The following PCDHGA7 variants were observed in gnomAD, a reference collection of about 807,000 sequenced individuals.
PCDHGA7 encodes the protein protocadherin gamma subfamily A, 7.
PCDHGA7 carries 44 observed loss-of-function variants against 58.3 expected under a neutral mutation model. The observed-to-expected ratio is 0.75, with a 90% CI of 0.59 to 0.97. PCDHGA7 has a LOEUF of 0.97. Among genes scored for constraint, PCDHGA7 ranks in the 50% least tolerant of loss-of-function variants. The probability of loss-of-function intolerance (pLI) is 0.00; values close to 1 mark genes in which losing one functional copy is unlikely to be tolerated. For synonymous variants in PCDHGA7, 516 were observed against 504.2 expected (o/e 1.02, Z -0.31); for missense variants, 1,266 against 1,188.7 (o/e 1.06, Z -0.96).
Position 141,431,412 on chromosome 5 carries a change from GC to G in PCDHGA7, c.2424+46090del. ...CTGGTCCTTACGGCCTCCGACGGGG[GC>G]GACCCGGTGCGCACAGGCACCGCGC... On this transcript the variant is annotated intron_variant, in intron 1 of 3. Coordinates refer to ENST00000518325, the MANE Select transcript of PCDHGA7 (RefSeq NM_018920.4). The surrounding 1 kb of genome is among the most constrained non-coding windows in gnomAD (Gnocchi z 4.8). The G allele has an allele frequency of 6.2e-7, 1 of 1,613,714 alleles. No homozygotes were observed. Among genetic ancestry groups the G allele is most frequent in the Non-Finnish European group, 8.5e-7 (1 of 1,180,050 alleles).
intron 1 of PCDHGA7, chr5:141,403,322 A>G (rs1156229289): frequency 6.2e-7 from 1 of 1,613,982 alleles, no homozygotes; most frequent in Non-Finnish European, 8.5e-7. Flanking sequence ...AATAGAAGTA[A>G]CTGATATTAA....
intron 1 of PCDHGA7, chr5:141,391,108 A>G (rs1253319004): frequency 6.6e-6 from 1 of 152,138 alleles, no homozygotes; most frequent in African/African-American, 2.4e-5. Flanking sequence ...CTAAACTAAT[A>G]TAGCTAGAGG....
chr5:141,483,121 T>C (rs922863446), intron 1 of PCDHGA7, among the ~76,000 whole-genome samples: 1 of 152,052 alleles, frequency 6.6e-6, no homozygotes, highest in Admixed American at 6.6e-5. Flanking sequence ...ACAGTCTTTG[T>C]AGGAGATGAG....
chr5:141,417,947 T>A (rs958624664), intron 1 of PCDHGA7: 53 of 1,613,420 alleles, frequency 3.3e-5, no homozygotes, highest in Middle Eastern at 1.7e-4. Context: ...CCCCACGCTG[T>A]GTGAGCCGAT....
At chr5:141,394,455 C>T in intron 1 of PCDHGA7, 1 of 1,614,268 alleles carries the variant, frequency 6.2e-7, no homozygotes, top group Non-Finnish European at 8.5e-7. Flanking sequence ...CAACATGTCA[C>T]TGAGCCTGTT....
At chr5:141,409,185 C>A in intron 1 of PCDHGA7, 1 of 1,614,024 alleles carries the variant, frequency 6.2e-7, no homozygotes, top group Non-Finnish European at 8.5e-7. Flanking sequence ...GGTGGTCTCT[C>A]TACCCAGTGT....
chr5:141,499,634 C>A (rs1194596079), intron 2 of PCDHGA7, among the ~76,000 whole-genome samples: 1 of 151,220 alleles, frequency 6.6e-6, no homozygotes, highest in Non-Finnish European at 1.5e-5. Flanking sequence ...TCTTTTGAAG[C>A]AAATCTCAGA....
Position 141,486,443 on chromosome 5 carries a change from A to G in PCDHGA7, c.2425-8364A>G, listed in dbSNP as rs747419698. Reference sequence around the variant, plus strand: ...AGAGGCCAAATCTAGCTATGACATCATGGTCACTGCTTCTGATGCTGGGAA... The same window carrying G: ...AGAGGCCAAATCTAGCTATGACATCGTGGTCACTGCTTCTGATGCTGGGAA... On this transcript the variant is annotated intron_variant, in intron 1 of 3. Transcript: ENST00000518325. The surrounding 1 kb of genome is among the most constrained non-coding windows in gnomAD (Gnocchi z 5.0). The G allele has an allele frequency of 1.9e-6, 3 of 1,614,060 alleles. No individual in the cohort carries two copies. Among genetic ancestry groups the G allele is most frequent in the South Asian group, 2.2e-5 (2 of 91,080 alleles).
At position 141,415,363 on chromosome 5, in the gene PCDHGA7, C is replaced by T. The variant is rs62378454; in HGVS notation, c.2424+30040C>T. 7,186 of 1,614,240 alleles carry T rather than the reference C, an allele frequency of 4.5e-3. 30 individuals carry two copies. Among genetic ancestry groups the T allele is most frequent in the South Asian group, 5.6e-3 (509 of 91,092 alleles). Reference sequence around the variant, plus strand: ...GCGCTGGCACAAGTCACGCCTGCTGCAGGCTTCAGGAGGCGGCTTGACAGG... The same window carrying T: ...GCGCTGGCACAAGTCACGCCTGCTGTAGGCTTCAGGAGGCGGCTTGACAGG... On this transcript the variant is annotated intron_variant, in intron 1 of 3. Transcript: ENST00000518325.
rs919375073 is a variant in PCDHGA7 at position 141,490,642 on chromosome 5, C to A, written c.2425-4165C>A. On this transcript the variant is annotated intron_variant, in intron 1 of 3. Coordinates refer to ENST00000518325, the MANE Select transcript of PCDHGA7 (RefSeq NM_018920.4). This position sits in a 1 kb window ranked among gnomAD's most constrained non-coding sequence, Gnocchi z 5.4. ...CACTGCTTACATCCTAGAAAACCGG[C>A]CTCCGGGCTCCCTTCTTTGCACTGT... 4.3e-6 allele frequency: 7 copies of A among 1,614,102 alleles called. No individual in the cohort carries two copies. In the African/African-American group the frequency reaches 6.7e-5, roughly 15 times the overall value.
At chr5:141,388,552 G>C in intron 1 of PCDHGA7, 1 of 1,613,814 alleles carries the variant, frequency 6.2e-7, no homozygotes, top group Non-Finnish European at 8.5e-7. Flanking sequence ...CCACCCCTAA[G>C]CAGCACTGCA....
chr5:141,389,303 G>A (rs773665051), intron 1 of PCDHGA7: 4 of 1,613,882 alleles, frequency 2.5e-6, no homozygotes, highest in Non-Finnish European at 3.4e-6. Context: ...CACAAGTCAG[G>A]GCTTCTGATC....
rs2099622509 is a variant in PCDHGA7 at position 141,485,988 on chromosome 5, G to T, written c.2425-8819G>T. On this transcript the variant is annotated intron_variant, in intron 1 of 3. Coordinates refer to ENST00000518325, the MANE Select transcript of PCDHGA7 (RefSeq NM_018920.4). The surrounding 1 kb of genome is among the most constrained non-coding windows in gnomAD (Gnocchi z 5.7). The stretch of plus-strand genomic sequence containing the variant: ...CTCAATGCCTCAGACCCGGACCTGG[G>T]TCCCAGTGGTAACGTCACCTTTTAT... 16 of 1,614,188 alleles carry T rather than the reference G, an allele frequency of 9.9e-6. No homozygotes were observed. The highest frequency in any genetic ancestry group is 1.4e-5 in the Non-Finnish European group (16 of 1,180,038).
At chr5:141,475,959 A>T (rs963363028) in intron 1 of PCDHGA7, 15 of 817,720 alleles carry the variant, frequency 1.8e-5, no homozygotes, top group East Asian at 2.6e-5. Context: ...GCGCCCCGGG[A>T]TGAGGCAGAG....
Position 141,491,405 on chromosome 5 carries a change from A to C in PCDHGA7, c.2425-3402A>C. 6.2e-7 allele frequency: 1 copy of C among 1,614,096 alleles called. No individual in the cohort carries two copies. Among genetic ancestry groups the C allele is most frequent in the Non-Finnish European group, 8.5e-7 (1 of 1,179,998 alleles). On this transcript the variant is annotated intron_variant, in intron 1 of 3. Coordinates refer to ENST00000518325, the MANE Select transcript of PCDHGA7 (RefSeq NM_018920.4). This position sits in a 1 kb window ranked among gnomAD's most constrained non-coding sequence, Gnocchi z 6.9. ...GCGAAGTGCCTTCAGGGAAACGCAG[A>C]CGGGGACGGGGGTGGAGGGCAGTGC... is the stretch of plus-strand genomic sequence containing the variant.
chr5:141,412,963 G>A (rs1387713187), intron 1 of PCDHGA7: 2 of 518,110 alleles, frequency 3.9e-6, no homozygotes, highest in South Asian at 3.3e-5. Context: ...TCACCTACTA[G>A]GAGAGAAAAC....
Position 141,410,405 on chromosome 5 carries a change from T to C in PCDHGA7, c.2424+25082T>C, listed in dbSNP as rs777544150. ...CTTCCATCCTGGTCTCTGTGTCAAGTCTGGACCTGTAGTTCCCCCCAACTA... is the reference window on the plus strand; with the variant it reads ...CTTCCATCCTGGTCTCTGTGTCAAGCCTGGACCTGTAGTTCCCCCCAACTA... On this transcript the variant is annotated intron_variant, in intron 1 of 3. Transcript: ENST00000518325. 2.2e-5 allele frequency: 35 copies of C among 1,613,948 alleles called. 1 individual carries two copies. In the East Asian group the frequency reaches 7.8e-4, roughly 36 times the overall value.
chr5:141,486,884 C>G lies in PCDHGA7; in HGVS notation c.2425-7923C>G, dbSNP rs1272694679. On this transcript the variant is annotated intron_variant, in intron 1 of 3. Transcript: ENST00000518325. The surrounding 1 kb of genome is among the most constrained non-coding windows in gnomAD (Gnocchi z 5.0). ...TCCAGCTGTGCTCCGTCCTCGGGCC[C>G]GGCCTGGTTCCTTATGTCCCCAAGC... The G allele has an allele frequency of 6.2e-7, 1 of 1,614,224 alleles. No homozygotes were observed. The highest frequency in any genetic ancestry group is 8.5e-7 in the Non-Finnish European group (1 of 1,180,046).
At chr5:141,465,889 G>A (rs956310325) in intron 1 of PCDHGA7, among the ~76,000 whole-genome samples, 4 of 152,056 alleles carry the variant, frequency 2.6e-5, no homozygotes, top group Admixed American at 6.5e-5. Context: ...TTGGGAGGCC[G>A]AGGCGGGCAA....
Sources: gnomAD v4.1 joint callset for allele counts (sites outside exome capture counted in the v4.1 genomes callset) on GRCh38, gnomAD v4.1.1 for gene constraint, Gnocchi (gnomAD v3.1) non-coding constraint, MANE v1.5 for transcripts, NCBI Gene and HGNC (gene_info 2026-07-23, HGNC 2026-07-21) for gene names.